The following GLIS3 variants were observed in gnomAD, a reference collection of about 807,000 sequenced individuals.
The protein encoded by GLIS3 is GLIS family zinc finger 3.
In GLIS3, 53 loss-of-function variants were observed where a neutral mutation model predicts 78.6. That is an observed-to-expected ratio of 0.67 (90% CI 0.54 to 0.85). The LOEUF is 0.85. Among genes scored for constraint, GLIS3 ranks in the 40% least tolerant of loss-of-function variants. The pLI is 0.00. For synonymous variants in GLIS3, 684 were observed against 509.9 expected (o/e 1.34, Z -4.60); for missense variants, 1,703 against 1,231.1 (o/e 1.38, Z -5.74).
At chr9:3,910,467 A>G (rs1334549222) in intron 6 of GLIS3, among the ~76,000 whole-genome samples, 1 of 152,212 alleles carries the variant, frequency 6.6e-6, no homozygotes, top group African/African-American at 2.4e-5. Context: ...CTCTTGCTTC[A>G]GCCTCCTAAG....
At chr9:4,042,992 C>T (rs760276106) in intron 4 of GLIS3, among the ~76,000 whole-genome samples, 12 of 151,092 alleles carry the variant, frequency 7.9e-5, no homozygotes, top group Non-Finnish European at 1.6e-4. Context: ...GCGCAAACCC[C>T]AAGAGTGGCA....
chr9:4,062,855 G>A (rs143894094), intron 4 of GLIS3, among the ~76,000 whole-genome samples: 1,556 of 152,210 alleles, frequency 0.01, 30 homozygotes, highest in African/African-American at 0.036. Flanking sequence ...CATGAACCCA[G>A]GAGGCGGAGC....
At chr9:4,244,603 T>G (rs1030705162) in intron 2 of GLIS3, among the ~76,000 whole-genome samples, 8 of 152,214 alleles carry the variant, frequency 5.3e-5, no homozygotes, top group Admixed American at 5.2e-4. Flanking sequence ...AGACGGAGTT[T>G]TGCTCTTGCC....
intron 8 of GLIS3, among the ~76,000 whole-genome samples, chr9:3,870,820 A>G (rs2130384471): frequency 6.6e-6 from 1 of 152,332 alleles, no homozygotes; most frequent in South Asian, 2.1e-4. Flanking sequence ...CCCATGCCAA[A>G]TCTCATGTCC....
intron 4 of GLIS3, among the ~76,000 whole-genome samples, chr9:4,013,174 G>A (rs982467046): frequency 2.0e-5 from 3 of 152,170 alleles, no homozygotes; most frequent in Admixed American, 6.5e-5. Flanking sequence ...CTGGTGGCCC[G>A]TGACATCCCA....
At chr9:4,390,026 T>G in the GLIS3 span, among the ~76,000 whole-genome samples, 1 of 152,162 alleles carries the variant, frequency 6.6e-6, no homozygotes, top group Non-Finnish European at 1.5e-5. Flanking sequence ...CCTGAACAAA[T>G]ACTATGTGCT....
chr9:4,159,099 A>T (rs1196477095), intron 2 of GLIS3, among the ~76,000 whole-genome samples: 1 of 151,086 alleles, frequency 6.6e-6, no homozygotes, highest in Admixed American at 6.6e-5. Flanking sequence ...GTACCAGATA[A>T]ATTTGCAGAT....
At chr9:4,397,024 C>CTTTTTCT in the GLIS3 span, among the ~76,000 whole-genome samples, 90 of 121,214 alleles carry the variant, frequency 7.4e-4, no homozygotes, top group African/African-American at 2.7e-3. Context: ...TTCTTTTTTT[C>CTTTTTCT]TTTTTTTTTT....
intron 4 of GLIS3, among the ~76,000 whole-genome samples, chr9:3,937,433 T>C (rs552434148): frequency 6.6e-6 from 1 of 152,344 alleles, no homozygotes; most frequent in South Asian, 2.1e-4. Flanking sequence ...TTCTGTGATT[T>C]ACTTATGTCA....
chr9:3,869,369 A>G (rs895131148), intron 8 of GLIS3, among the ~76,000 whole-genome samples: 1 of 152,218 alleles, frequency 6.6e-6, no homozygotes. Context: ...CAGCAAAGCA[A>G]CAGGCTTAGT....
At chr9:4,240,546 G>A (rs529254228) in intron 2 of GLIS3, among the ~76,000 whole-genome samples, 2 of 152,058 alleles carry the variant, frequency 1.3e-5, no homozygotes, top group African/African-American at 4.8e-5. Flanking sequence ...TTATAAACAA[G>A]ATTACAAGGG....
intron 2 of GLIS3, among the ~76,000 whole-genome samples, chr9:4,203,149 C>T (rs1191293962): frequency 6.6e-6 from 1 of 151,948 alleles, no homozygotes; most frequent in Non-Finnish European, 1.5e-5. Context: ...TCCCATTTAC[C>T]AAAAAATGGG....
chr9:4,311,591 C>T lies in GLIS3; in HGVS notation n.265-1063G>A, dbSNP rs185401691. Among the ~76,000 whole-genome samples the T allele has an allele frequency of 7.9e-3, 1,197 of 152,258 alleles. 8 individuals are homozygous for T. Among genetic ancestry groups the T allele is most frequent in the South Asian group, 0.035 (169 of 4,820 alleles). On this transcript the variant is annotated intron_variant and non_coding_transcript_variant, in intron 2 of 4. Transcript: ENST00000471664. ...TCCCTCCCAAGCCAGAATAACTCCA[C>T]ACTCCCCAGCTCCTACCCCTACCCT...
At chr9:3,858,726 G>A (rs897574868) in intron 8 of GLIS3, among the ~76,000 whole-genome samples, 1 of 152,242 alleles carries the variant, frequency 6.6e-6, no homozygotes, top group South Asian at 2.1e-4. Context: ...GTACAAAAAT[G>A]TTAACTTTTA....
chr9:3,906,043 C>T (rs1823673512), intron 6 of GLIS3, among the ~76,000 whole-genome samples: 1 of 152,176 alleles, frequency 6.6e-6, no homozygotes, highest in South Asian at 2.1e-4. Flanking sequence ...ACCGAGGAAA[C>T]AAACTGATGG....
chr9:3,886,636 T>C lies in GLIS3; in HGVS notation c.2129-7041A>G, dbSNP rs1393704006. 3.9e-5 allele frequency among the ~76,000 whole-genome samples: 6 copies of C among 152,222 alleles called. No homozygotes were observed. In the East Asian group the frequency reaches 7.7e-4, roughly 19 times the overall value. On this transcript the variant is annotated intron_variant, in intron 7 of 10. Coordinates refer to ENST00000381971, the MANE Select transcript of GLIS3 (RefSeq NM_001042413.2). The stretch of plus-strand genomic sequence containing the variant: ...GGCATTCTGAAGAAAATTACCAATA[T>C]TGGGGGTGACTCAAGTTTTGGCCCC...
At chr9:4,251,578 G>A (rs974787836) in intron 2 of GLIS3, among the ~76,000 whole-genome samples, 21 of 151,986 alleles carry the variant, frequency 1.4e-4, no homozygotes, top group East Asian at 5.8e-4. Flanking sequence ...GCCAATCTGC[G>A]TCTAATTGGG....
At chr9:4,069,033 G>C (rs1051312679) in intron 4 of GLIS3, among the ~76,000 whole-genome samples, 1 of 152,074 alleles carries the variant, frequency 6.6e-6, no homozygotes, top group Admixed American at 6.6e-5. Flanking sequence ...GTTCATGTCA[G>C]GCCAATAGAG....
chr9:4,424,854 C>G, the GLIS3 span, among the ~76,000 whole-genome samples: 98 of 152,020 alleles, frequency 6.4e-4, no homozygotes, highest in African/African-American at 2.2e-3. Context: ...GCCACTGTGC[C>G]CAGCCCATTT....
Sources: gnomAD v4.1 joint callset for allele counts (sites outside exome capture counted in the v4.1 genomes callset) on GRCh38, gnomAD v4.1.1 for gene constraint, MANE v1.5 for transcripts, NCBI Gene and HGNC (gene_info 2026-07-23, HGNC 2026-07-21) for gene names.